Variants in CUEDC2 observed in about 807,000 individuals in gnomAD.
CUEDC2 encodes the protein CUE domain-containing protein 2.
In CUEDC2, 10 loss-of-function variants were observed where a neutral mutation model predicts 36.0. The observed-to-expected ratio is 0.28, with a 90% confidence interval of 0.17 to 0.47. CUEDC2 has a LOEUF of 0.47. CUEDC2 is among the 20% of genes least tolerant of loss of function. The probability of loss-of-function intolerance (pLI) is 0.99; values close to 1 mark genes in which losing one functional copy is unlikely to be tolerated. For missense variants in CUEDC2, 269 were observed against 368.1 expected, an observed-to-expected ratio of 0.73 and a Z score of 2.20; for synonymous variants, 133 against 141.8, an observed-to-expected ratio of 0.94 and a Z score of 0.44.
chr10:102,425,929 G>A (rs996187184), intron 1 of CUEDC2, among the ~76,000 whole-genome samples: 1 of 151,960 alleles, frequency 6.6e-6, no homozygotes. Flanking sequence ...TGTCCTGCGG[G>A]ACATCCATGG....
In CUEDC2 at chr10:102,425,099, G is replaced by A; in HGVS notation, c.74+16C>T. On this transcript the variant is annotated intron_variant, in intron 2 of 8. Transcript: ENST00000369937. ...CTCCAGCACTGACATGAGCCTTCCG[G>A]GGGACCCGTCTCTACCTGAGGTCGG... 2 of 1,610,856 alleles carry A rather than the reference G, an allele frequency of 1.2e-6. No homozygotes were observed. The highest frequency in any genetic ancestry group is 1.1e-5 in the South Asian group (1 of 91,024).
rs752346792 is a variant in CUEDC2, at chr10:102,424,169, C to T, written c.421G>A (p.Ala141Thr). ...ACCCCTGGCAGAAGCTCCTCCTCAG[C>T]GCCAGTTGCCTAAGGGTACAAACGT... ...AADTQDEATG[A>T]EEELLPGVDV... Residue 141 changes from alanine (A) to threonine (T), a missense_variant, in exon 6 of 9, where the codon GCT becomes ACT. By Grantham distance (58) the Ala-to-Thr change is moderately conservative (BLOSUM62 0). Transcript: ENST00000369937. This position sits in a 1 kb window ranked among gnomAD's most constrained non-coding sequence, Gnocchi z 4.2. 6.8e-6 allele frequency: 11 copies of T among 1,613,722 alleles called. No homozygotes were observed. The highest frequency in any genetic ancestry group is 1.6e-4 in the Middle Eastern group (1 of 6,082).
At position 102,424,006 on chromosome 10, in the gene CUEDC2, C is replaced by G; in HGVS notation, c.584G>C (p.Gly195Ala). 6.2e-7 allele frequency: 1 copy of G among 1,613,642 alleles called. No individual in the cohort carries two copies. Among genetic ancestry groups the G allele is most frequent in the Non-Finnish European group, 8.5e-7 (1 of 1,179,800 alleles). ...GKEEGPAAWE[G>A]PNQDLPRRLR... ...GCTGGGAAAAGATACCTGGTTGGGG[C>G]CCTCCCAGGCTGCAGGCCCCTCTTC... The change falls in exon 6 of 9, where the codon GGC becomes GCC. Residue 195 changes from glycine (G) to alanine (A), a missense_variant. Gly to Ala is a moderately conservative substitution (Grantham distance 60). Coordinates refer to ENST00000369937, the MANE Select transcript of CUEDC2 (RefSeq NM_024040.3). The surrounding 1 kb of genome is among the most constrained non-coding windows in gnomAD (Gnocchi z 4.2).
Position 102,423,953 on chromosome 10 carries a change from A to C in CUEDC2, c.594+43T>G, listed in dbSNP as rs1475043498. 1 of 1,606,310 alleles carries C rather than the reference A, an allele frequency of 6.2e-7. No homozygotes were observed. Among genetic ancestry groups the C allele is most frequent in the Non-Finnish European group, 8.5e-7 (1 of 1,176,136 alleles). On this transcript the variant is annotated intron_variant, in intron 6 of 8. Transcript: ENST00000369937. This position sits in a 1 kb window ranked among gnomAD's most constrained non-coding sequence, Gnocchi z 5.6. ...GGTTGGGGCTTAACACCAAGGTGGA[A>C]TGTAGCTGAGGCTACATGGTAGAGG...
chr10:102,428,930 G>A (rs1015710420), intron 1 of CUEDC2, among the ~76,000 whole-genome samples: 3 of 151,334 alleles, frequency 2.0e-5, no homozygotes, highest in Non-Finnish European at 2.9e-5. Flanking sequence ...GCTGAGGCAG[G>A]AGAATGACAT....
intron 1 of CUEDC2, among the ~76,000 whole-genome samples, chr10:102,428,630 T>C (rs1475612906): frequency 6.6e-6 from 1 of 152,234 alleles, no homozygotes; most frequent in Non-Finnish European, 1.5e-5. Context: ...ATGCCTGTAA[T>C]TCCAGCACTT....
chr10:102,423,921 A>T lies in CUEDC2; in HGVS notation c.595-62T>A. The T allele has an allele frequency of 6.2e-7, 1 of 1,601,408 alleles. No homozygotes were observed. Among genetic ancestry groups the T allele is most frequent in the Non-Finnish European group, 8.5e-7 (1 of 1,173,230 alleles). ...ACCAGCAGGGGAAACAGATGGGGATAGGTAGGGGTTGGGGCTTAACACCAA... is the reference window on the plus strand; with the variant it reads ...ACCAGCAGGGGAAACAGATGGGGATTGGTAGGGGTTGGGGCTTAACACCAA... On this transcript the variant is annotated intron_variant, in intron 6 of 8. Coordinates refer to ENST00000369937, the MANE Select transcript of CUEDC2 (RefSeq NM_024040.3). The surrounding 1 kb of genome is among the most constrained non-coding windows in gnomAD (Gnocchi z 5.6).
At chr10:102,427,272 G>A (rs553609127) in intron 1 of CUEDC2, among the ~76,000 whole-genome samples, 17 of 151,070 alleles carry the variant, frequency 1.1e-4, no homozygotes, top group Non-Finnish European at 2.1e-4. Context: ...TCACTGCAGC[G>A]CTCTCTCTCT....
chr10:102,427,915 C>G (rs1176915703), intron 1 of CUEDC2, among the ~76,000 whole-genome samples: 1 of 152,092 alleles, frequency 6.6e-6, no homozygotes, highest in Non-Finnish European at 1.5e-5. Flanking sequence ...TCCCTCCCTC[C>G]ACCCTGGCTT....
In CUEDC2 at chr10:102,423,839, T is replaced by G. The variant is rs768014435; in HGVS notation, c.615A>C (p.Arg205Ser). ...ACTTCAGCTCATCCTTTTGGGGGCC[T>G]CTGAGGCGTCTGGGCAGGTCCTGCA... The part of the protein sequence containing the change: ...GPNQDLPRRL[R>S]GPQKDELKSF... The change falls in exon 7 of 9, where the codon AGA becomes AGC. Residue 205 changes from arginine to serine, a missense_variant. Coordinates refer to ENST00000369937, the MANE Select transcript of CUEDC2 (RefSeq NM_024040.3). The surrounding 1 kb of genome is among the most constrained non-coding windows in gnomAD (Gnocchi z 5.6). 6.2e-7 allele frequency: 1 copy of G among 1,613,508 alleles called. No homozygotes were observed. The highest frequency in any genetic ancestry group is 8.5e-7 in the Non-Finnish European group (1 of 1,179,886).
At chr10:102,427,145 T>C (rs950746476) in intron 1 of CUEDC2, among the ~76,000 whole-genome samples, 7 of 152,162 alleles carry the variant, frequency 4.6e-5, no homozygotes, top group African/African-American at 1.7e-4. Context: ...TGAGATGCCA[T>C]TCTTTCCTGG....
Position 102,423,640 on chromosome 10 carries a change from AC to A in CUEDC2, c.717+16del, listed in dbSNP as rs780069414. The A allele has an allele frequency of 6.2e-7, 1 of 1,613,954 alleles. No individual in the cohort carries two copies. Among genetic ancestry groups the A allele is most frequent in the Non-Finnish European group, 8.5e-7 (1 of 1,179,958 alleles). ...TCCCACCCATTCCGCATCCCCAGCA[AC>A]CCTTAACTCTCTCACCTCCTTGGGA... On this transcript the variant is annotated intron_variant, in intron 8 of 8. Coordinates refer to ENST00000369937, the MANE Select transcript of CUEDC2 (RefSeq NM_024040.3). The surrounding 1 kb of genome is among the most constrained non-coding windows in gnomAD (Gnocchi z 5.6).
At chr10:102,426,170 A>T (rs2061595746) in intron 1 of CUEDC2, among the ~76,000 whole-genome samples, 1 of 152,194 alleles carries the variant, frequency 6.6e-6, no homozygotes, top group Non-Finnish European at 1.5e-5. Flanking sequence ...CATGAGTGTA[A>T]CCCTAGCACC....
intron 2 of CUEDC2, 68 bp downstream of exon 2, chr10:102,425,047 A>C: frequency 1.5e-6 from 2 of 1,349,132 alleles, no homozygotes; most frequent in Non-Finnish European, 2.1e-6. Context: ...ATCAGCCAGT[A>C]CCCATAGTAC....
chr10:102,425,961 G>C (rs1435347196), intron 1 of CUEDC2, among the ~76,000 whole-genome samples: 1 of 151,986 alleles, frequency 6.6e-6, no homozygotes, highest in African/African-American at 2.4e-5. Flanking sequence ...ACTCCTCAGG[G>C]CTCCGCTCAA....
intron 1 of CUEDC2, 134 bp downstream of exon 1, chr10:102,432,392 A>G (rs984281890): frequency 4.6e-5 from 7 of 152,214 alleles, no homozygotes; most frequent in African/African-American, 1.7e-4. Context: ...GATACAGGCC[A>G]CGGCGAGAAT....
Position 102,424,236 on chromosome 10 carries a change from C to A in CUEDC2, c.411+28G>T. On this transcript the variant is annotated intron_variant, in intron 5 of 8. Transcript: ENST00000369937. This position sits in a 1 kb window ranked among gnomAD's most constrained non-coding sequence, Gnocchi z 4.2. Reference sequence around the variant, plus strand: ...TCCCCCCTTTCCAGCCCCCTGGGTCCCTCATCGGTACCCTCCTCTACCAGT... The same window carrying A: ...TCCCCCCTTTCCAGCCCCCTGGGTCACTCATCGGTACCCTCCTCTACCAGT... 2 of 1,611,366 alleles carry A rather than the reference C, an allele frequency of 1.2e-6. No homozygotes were observed. The highest frequency in any genetic ancestry group is 1.7e-6 in the Non-Finnish European group (2 of 1,178,374).
chr10:102,425,144 G>A lies in CUEDC2; in HGVS notation c.45C>T (p.Val15=). Residue 15 remains valine (V), a synonymous_variant, in exon 2 of 9, where the codon GTC becomes GTT. Coordinates refer to ENST00000369937, the MANE Select transcript of CUEDC2 (RefSeq NM_024040.3). ...RIVSAALLAF[V]QTHLPEADLS... is the part of the protein sequence containing the mutation. ...GGTCGGCCTCCGGGAGGTGTGTCTG[G>A]ACAAAGGCAAGGAGGGCTGCACTGA... 6.2e-7 allele frequency: 1 copy of A among 1,613,886 alleles called. No individual in the cohort carries two copies. Among genetic ancestry groups the A allele is most frequent in the Non-Finnish European group, 8.5e-7 (1 of 1,179,964 alleles).
intron 1 of CUEDC2, among the ~76,000 whole-genome samples, chr10:102,427,899 A>T (rs1244563326): frequency 6.6e-6 from 1 of 151,700 alleles, no homozygotes; most frequent in Non-Finnish European, 1.5e-5. Context: ...ACCTTCCTGG[A>T]TCATTTCCCT....
Sources: allele counts gnomAD v4.1 joint callset (sites outside exome capture counted in the v4.1 genomes callset), GRCh38; gene constraint gnomAD v4.1.1; non-coding constraint Gnocchi (gnomAD v3.1); transcripts MANE v1.5; gene names NCBI Gene and HGNC (gene_info 2026-07-23, HGNC 2026-07-21).